The following ATP10B variants were observed in gnomAD, a reference collection of about 807,000 sequenced individuals.
ATP10B encodes the protein ATPase phospholipid transporting 10B (putative).
ATP10B carries 122 observed loss-of-function variants against 141.2 expected under a neutral mutation model. That is an observed-to-expected ratio of 0.86 (90% CI 0.75 to 1.00). The LOEUF is 1.00. Among genes scored for constraint, ATP10B ranks in the 50% least tolerant of loss-of-function variants. The pLI is 0.00. For synonymous variants in ATP10B, 685 were observed against 692.0 expected, an observed-to-expected ratio of 0.99 and a Z score of 0.16; for missense variants, 1,876 against 1,825.3, an observed-to-expected ratio of 1.03 and a Z score of -0.51.
At chr5:160,911,949 T>C in the ATP10B span, among the ~76,000 whole-genome samples, 4 of 152,220 alleles carry the variant, frequency 2.6e-5, no homozygotes, top group African/African-American at 9.6e-5. Context: ...AAGGTCATGA[T>C]TATTATATTC....
At chr5:160,762,010 C>A (rs1454045251) in intron 2 of ATP10B, among the ~76,000 whole-genome samples, 1 of 142,278 alleles carries the variant, frequency 7.0e-6, no homozygotes, top group Non-Finnish European at 1.6e-5. Context: ...TTTGAATTAA[C>A]CTAATCCCAC....
intron 22 of ATP10B, among the ~76,000 whole-genome samples, chr5:160,595,660 A>G (rs1177753844): frequency 2.6e-5 from 4 of 152,086 alleles, no homozygotes; most frequent in Non-Finnish European, 5.9e-5. Flanking sequence ...TTAATAAAGA[A>G]AAAAAGAGAG....
chr5:160,686,911 T>C, intron 5 of ATP10B: 1 of 980,710 alleles, frequency 1.0e-6, no homozygotes, highest in Non-Finnish European at 1.2e-6. Context: ...TATTTTAACT[T>C]TTAATTTAAA....
intron 14 of ATP10B, among the ~76,000 whole-genome samples, chr5:160,622,150 C>T (rs987820545): frequency 1.3e-5 from 2 of 152,220 alleles, no homozygotes; most frequent in Non-Finnish European, 2.9e-5. Context: ...CCTGCAGACA[C>T]ATAGACAAAG....
chr5:160,661,517 T>G (rs953425739), intron 7 of ATP10B, among the ~76,000 whole-genome samples: 2 of 152,174 alleles, frequency 1.3e-5, no homozygotes, highest in African/African-American at 4.8e-5. Flanking sequence ...ATTGAAGATC[T>G]GCTTCAAAAT....
At chr5:160,614,006 A>G (rs1757866021) in intron 17 of ATP10B, 1 of 151,728 alleles carries the variant, frequency 6.6e-6, no homozygotes, top group Non-Finnish European at 1.5e-5. Flanking sequence ...TTGAGACAGC[A>G]TGAAGGCATT....
chr5:160,767,146 T>A (rs1448371955), intron 2 of ATP10B, among the ~76,000 whole-genome samples: 1 of 152,198 alleles, frequency 6.6e-6, no homozygotes, highest in Admixed American at 6.5e-5. Context: ...AATCCCATAG[T>A]GTTTTAAGAA....
chr5:160,730,580 G>A (rs1766669816), intron 2 of ATP10B, among the ~76,000 whole-genome samples: 1 of 151,954 alleles, frequency 6.6e-6, no homozygotes, highest in Non-Finnish European at 1.5e-5. Context: ...TTGTTGGACT[G>A]GATGACTGAG....
chr5:160,630,122 G>A (rs186325011), intron 13 of ATP10B, among the ~76,000 whole-genome samples: 43 of 152,282 alleles, frequency 2.8e-4, no homozygotes, highest in Admixed American at 9.8e-4. Flanking sequence ...TATTACATAA[G>A]AGTATACTTA....
intron 3 of ATP10B, among the ~76,000 whole-genome samples, chr5:160,702,941 A>T (rs566494361): frequency 1.3e-5 from 2 of 152,200 alleles, no homozygotes; most frequent in Non-Finnish European, 2.9e-5. Flanking sequence ...TTCTTACCTA[A>T]CCCTTTAGTT....
At chr5:160,632,494 A>C in intron 12 of ATP10B, 127 bp from the exon 13 acceptor site, 1 of 835,308 alleles carries the variant, frequency 1.2e-6, no homozygotes. Flanking sequence ...AAAAATTGGC[A>C]TCTGGGCTAC....
At chr5:160,604,711 CACACACACATAA>C (rs958290130) in intron 19 of ATP10B, among the ~76,000 whole-genome samples, 2 of 151,680 alleles carry the variant, frequency 1.3e-5, no homozygotes, top group African/African-American at 4.9e-5. Flanking sequence ...CATAGACACA[CACACACACATAA>C]ACACACACAC....
At chr5:160,839,739 A>G (rs1458609136) in intron 1 of ATP10B, among the ~76,000 whole-genome samples, 1 of 152,130 alleles carries the variant, frequency 6.6e-6, no homozygotes, top group African/African-American at 2.4e-5. Flanking sequence ...AGACATATCT[A>G]AAATATAGCA....
chr5:160,847,231 C>A (rs1776179519), intron 1 of ATP10B, among the ~76,000 whole-genome samples: 1 of 152,122 alleles, frequency 6.6e-6, no homozygotes, highest in African/African-American at 2.4e-5. Context: ...ATCAGAATTG[C>A]CAATATTTGA....
chr5:160,923,828 T>A, the ATP10B span, among the ~76,000 whole-genome samples: 1 of 152,188 alleles, frequency 6.6e-6, no homozygotes, highest in South Asian at 2.1e-4. Flanking sequence ...TACTTTAAGA[T>A]CTGTGATCAA....
At chr5:160,762,788 A>G (rs1002040089) in intron 2 of ATP10B, among the ~76,000 whole-genome samples, 13 of 152,210 alleles carry the variant, frequency 8.5e-5, no homozygotes, top group African/African-American at 2.9e-4. Flanking sequence ...ATGGATTAAA[A>G]TTCACCAAAT....
At chr5:160,758,409 A>T (rs1397477684) in intron 2 of ATP10B, among the ~76,000 whole-genome samples, 3 of 152,202 alleles carry the variant, frequency 2.0e-5, no homozygotes, top group Non-Finnish European at 4.4e-5. Context: ...TATTATTATT[A>T]TAGAGGCCGA....
At chr5:160,766,371 CA>C (rs1561832074) in intron 2 of ATP10B, among the ~76,000 whole-genome samples, 2 of 146,382 alleles carry the variant, frequency 1.4e-5, no homozygotes, top group African/African-American at 5.5e-5. Flanking sequence ...CACACACACA[CA>C]CACACACACA....
At chr5:160,891,004 T>C in the ATP10B span, among the ~76,000 whole-genome samples, 22,206 of 66,898 alleles carry the variant, frequency 0.33, 1,921 homozygotes, top group East Asian at 0.59. Flanking sequence ...TGTGTGTGCG[T>C]GTGTGTGTGT....
Sources: allele counts gnomAD v4.1 joint callset (sites outside exome capture counted in the v4.1 genomes callset), GRCh38; gene constraint gnomAD v4.1.1; transcripts MANE v1.5; gene names NCBI Gene and HGNC (gene_info 2026-07-23, HGNC 2026-07-21).